INTS8: variants seen among roughly 807,000 people sequenced by gnomAD.
The protein encoded by INTS8 is protein kaonashi-1.
INTS8 carries 47 observed loss-of-function variants against 138.9 expected under a neutral mutation model. That is an observed-to-expected ratio of 0.34 (90% CI 0.27 to 0.43). The LOEUF (loss-of-function observed/expected upper bound fraction) is 0.43, where lower values mean the gene tolerates loss of function less well. Ranked by LOEUF, INTS8 falls within the 20% of genes least tolerant of loss-of-function variation. The probability of loss-of-function intolerance (pLI) is 1.00; values close to 1 mark genes in which losing one functional copy is unlikely to be tolerated. For synonymous variants in INTS8, 392 were observed against 400.9 expected, an observed-to-expected ratio of 0.98 and a Z score of 0.27; for missense variants, 996 against 1,173.0, an observed-to-expected ratio of 0.85 and a Z score of 2.20.
At chr8:94,871,767 G>A in intron 20 of INTS8, 117 bp from the exon 21 acceptor site, 2 of 683,606 alleles carry the variant, frequency 2.9e-6, no homozygotes, top group South Asian at 3.4e-5. Context: ...CTAGTATTTA[G>A]CATTATATTT....
chr8:94,823,657 G>A, intron 1 of INTS8, 96 bp downstream of exon 1: 2 of 1,084,924 alleles, frequency 1.8e-6, no homozygotes, highest in Non-Finnish European at 1.3e-6. Flanking sequence ...CACCGAAGCT[G>A]CGGCCTGGGA....
intron 18 of INTS8, chr8:94,866,441 T>C: frequency 2.3e-6 from 1 of 441,554 alleles, no homozygotes; most frequent in South Asian, 2.1e-5. Flanking sequence ...TACAGGCACA[T>C]GTAACCATGC....
intron 5 of INTS8, among the ~76,000 whole-genome samples, chr8:94,830,802 CT>C (rs1157361897): frequency 6.6e-6 from 1 of 151,888 alleles, no homozygotes; most frequent in Non-Finnish European, 1.5e-5. Context: ...CCAGCTAAAT[CT>C]TTTTTGTTTT....
At position 94,876,074 on chromosome 8, in the gene INTS8, G is replaced by T. The variant is rs1816554844; in HGVS notation, c.2689G>T (p.Val897Leu). Residue 897 changes from valine to leucine, a missense_variant and splice_region_variant, in exon 24 of 27, where the codon GTG (valine) becomes TTG (leucine). Coordinates refer to ENST00000523731, the MANE Select transcript of INTS8 (RefSeq NM_017864.4). ...CATTTTCAAATCTTTGTTAATGTAGGTGGCCATTTTATGTCAGTTCCTCAG... is the reference window on the plus strand; with the variant it reads ...CATTTTCAAATCTTTGTTAATGTAGTTGGCCATTTTATGTCAGTTCCTCAG... ...CCSLLNCHTQ[V>L]AILCQFLREI... 3 of 1,593,962 alleles carry T rather than the reference G, an allele frequency of 1.9e-6. No individual in the cohort carries two copies. The highest frequency in any genetic ancestry group is 2.6e-6 in the Non-Finnish European group (3 of 1,162,812).
chr8:94,847,649 A>G (rs1815379912), intron 10 of INTS8, among the ~76,000 whole-genome samples: 1 of 152,114 alleles, frequency 6.6e-6, no homozygotes, highest in East Asian at 1.9e-4. Context: ...ATTAAAATTT[A>G]TTATTTTAAT....
rs58388097 is a variant in INTS8, at chr8:94,848,013, C to CTTTTTTTTTTTTTTTTTTTTTTTTTTT, written c.1261-1436_1261-1435insTTTTTTTTTTTTTTTTTTTTTTTTTTT. ...TGAACATAGCACTTTTAAAACACTG[C>CTTTTTTTTTTTTTTTTTTTTTTTTTTT]TTTTTTTTTTTTTGAGATGGAGTCT... On this transcript the variant is annotated intron_variant, in intron 10 of 26. Coordinates refer to ENST00000523731, the MANE Select transcript of INTS8 (RefSeq NM_017864.4). Among the ~76,000 whole-genome samples, 6 of 129,998 alleles carry CTTTTTTTTTTTTTTTTTTTTTTTTTTT rather than the reference C, an allele frequency of 4.6e-5. 1 individual carries two copies. The highest frequency in any genetic ancestry group is 1.5e-4 in the Admixed American group (2 of 13,048). The allele number at this position is 129,998 out of a possible 152,430, so 85.3% of individuals were successfully genotyped here. A position where few individuals can be genotyped will look rare whatever the true frequency, so the allele number is the denominator to read the frequency against.
chr8:94,834,175 CT>C (rs1235552361), intron 6 of INTS8, among the ~76,000 whole-genome samples: 2 of 152,122 alleles, frequency 1.3e-5, no homozygotes, highest in Non-Finnish European at 2.9e-5. Flanking sequence ...TTCAGGGCAG[CT>C]TCATTATCAG....
At chr8:94,868,264 G>A (rs924275718) in intron 20 of INTS8, among the ~76,000 whole-genome samples, 11 of 152,162 alleles carry the variant, frequency 7.2e-5, no homozygotes, top group African/African-American at 1.2e-4. Context: ...CCTCACAGAT[G>A]TTTTTCCTCC....
chr8:94,850,098 T>G lies in INTS8; in HGVS notation c.1507+7T>G, dbSNP rs771887709. 6.4e-7 allele frequency: 1 copy of G among 1,570,500 alleles called. No homozygotes were observed. Among genetic ancestry groups the G allele is most frequent in the East Asian group, 2.3e-5 (1 of 42,988 alleles). ...TCATTTTATGATATCCCAGGTTAGC[T>G]CTCTAGTCGGCCAGCCAAAATGTTG... On this transcript the variant is annotated splice_region_variant and intron_variant, in intron 12 of 26. Coordinates refer to ENST00000523731, the MANE Select transcript of INTS8 (RefSeq NM_017864.4).
At chr8:94,875,039 T>G (rs1816523021) in intron 23 of INTS8, among the ~76,000 whole-genome samples, 1 of 152,100 alleles carries the variant, frequency 6.6e-6, no homozygotes, top group African/African-American at 2.4e-5. Flanking sequence ...CAAAATGGTG[T>G]AGACTCAGGA....
At chr8:94,838,042 T>C (rs1447042350) in intron 7 of INTS8, among the ~76,000 whole-genome samples, 1 of 148,644 alleles carries the variant, frequency 6.7e-6, no homozygotes, top group East Asian at 2.0e-4. Context: ...AATTTTTCTT[T>C]TCTTTTTTTT....
In INTS8 at chr8:94,866,147, T is replaced by G. The variant is rs747623018; in HGVS notation, c.2262-11T>G. On this transcript the variant is annotated splice_polypyrimidine_tract_variant and intron_variant, in intron 17 of 26. Coordinates refer to ENST00000523731, the MANE Select transcript of INTS8 (RefSeq NM_017864.4). ...ATATTAAATGTGTATTCAAAAATTTTTGTTTTGTAGGAGTGAACTGCTTTC... is the reference window on the plus strand; with the variant it reads ...ATATTAAATGTGTATTCAAAAATTTGTGTTTTGTAGGAGTGAACTGCTTTC... The G allele has an allele frequency of 6.0e-6, 7 of 1,171,082 alleles. No homozygotes were observed. In the African/African-American group the frequency reaches 1.1e-4, roughly 18 times the overall value. The allele number at this position is 1,171,082 out of a possible 1,614,324, so 72.5% of individuals were successfully genotyped here. A position where few individuals can be genotyped will look rare whatever the true frequency, so the allele number is the denominator to read the frequency against.
At chr8:94,835,360 A>G (rs147793596) in intron 6 of INTS8, among the ~76,000 whole-genome samples, 3 of 152,316 alleles carry the variant, frequency 2.0e-5, no homozygotes, top group African/African-American at 7.2e-5. Flanking sequence ...GTGTCAATAT[A>G]AGCTTTTTGA....
intron 5 of INTS8, among the ~76,000 whole-genome samples, chr8:94,830,080 A>G (rs1814657308): frequency 6.6e-6 from 1 of 152,156 alleles, no homozygotes; most frequent in East Asian, 1.9e-4. Context: ...TATTTTTAGT[A>G]GAGACGGGTT....
At chr8:94,834,213 T>C (rs935386554) in intron 6 of INTS8, among the ~76,000 whole-genome samples, 1 of 152,222 alleles carries the variant, frequency 6.6e-6, no homozygotes, top group African/African-American at 2.4e-5. Flanking sequence ...AGTAAATCTA[T>C]TGAGCACCTC....
intron 22 of INTS8, 33 bp downstream of exon 22, chr8:94,873,510 GC>G: frequency 7.2e-7 from 1 of 1,384,492 alleles, no homozygotes; most frequent in Non-Finnish European, 1.0e-6. Context: ...CTGGTTTCTT[GC>G]CTACCTGTAT....
chr8:94,823,936 T>C (rs1337314414), intron 1 of INTS8, among the ~76,000 whole-genome samples: 1 of 152,192 alleles, frequency 6.6e-6, no homozygotes, highest in African/African-American at 2.4e-5. Context: ...TTCAGGGAGC[T>C]GGGGAGAAAC....
chr8:94,850,137 CT>C, intron 12 of INTS8, 46 bp downstream of exon 12: 2 of 1,332,596 alleles, frequency 1.5e-6, no homozygotes, highest in Non-Finnish European at 2.1e-6. Flanking sequence ...TGTTTTGCCC[CT>C]CTATTCAAAT....
intron 8 of INTS8, among the ~76,000 whole-genome samples, chr8:94,839,211 G>C (rs1815045982): frequency 6.6e-6 from 1 of 152,184 alleles, no homozygotes. Context: ...TCACCATCTT[G>C]ATTTGGTTCA....
Sources: allele counts gnomAD v4.1 joint callset (sites outside exome capture counted in the v4.1 genomes callset), GRCh38; gene constraint gnomAD v4.1.1; transcripts MANE v1.5; gene names NCBI Gene and HGNC (gene_info 2026-07-23, HGNC 2026-07-21).